The following IFI16 variants were observed in gnomAD, a reference collection of about 807,000 sequenced individuals.
IFI16 encodes interferon gamma inducible protein 16.
IFI16 carries 49 observed loss-of-function variants against 68.4 expected under a neutral mutation model. The observed-to-expected ratio is 0.72, with a 90% CI of 0.57 to 0.91. The LOEUF is 0.91. Among genes scored for constraint, IFI16 ranks in the 40% least tolerant of loss-of-function variants. The probability of loss-of-function intolerance (pLI) is 0.00; values close to 1 mark genes in which losing one functional copy is unlikely to be tolerated. For synonymous variants in IFI16, 307 were observed against 315.0 expected (o/e 0.97, Z 0.27); for missense variants, 878 against 942.9 (o/e 0.93, Z 0.90).
rs150206389 is a variant in IFI16, at chr1:159,032,687, C to T, written c.1325C>T (p.Thr442Ile). ...PPTTPSSSFFTKKSEDTISKM... is the reference protein window; with the variant it reads ...PPTTPSSSFFIKKSEDTISKM... Reference sequence around the variant, plus strand: ...ACAACTCCATCCAGCAGTTTCTTCACCAAGGTACAATTTCCTGGGTCCCAT... The same window carrying T: ...ACAACTCCATCCAGCAGTTTCTTCATCAAGGTACAATTTCCTGGGTCCCAT... Residue 442 changes from threonine (T) to isoleucine (I), a missense_variant, in exon 7 of 12, where the codon ACC (threonine) becomes ATC (isoleucine). Around this residue, in one of 4 missense-constraint regions of IFI16, gnomAD observed 59 missense variants for 119.0 expected, o/e 0.50. Transcript: ENST00000295809. 4.3e-5 allele frequency: 68 copies of T among 1,588,570 alleles called. No individual in the cohort carries two copies. The African/African-American group carries it at 7.9e-4, about 18-fold the overall frequency.
At chr1:159,032,422 A>T in intron 6 of IFI16, 102 bp from the exon 7 acceptor site, 1 of 665,154 alleles carries the variant, frequency 1.5e-6, no homozygotes, top group Non-Finnish European at 2.4e-6. Flanking sequence ...GGAAGTAATG[A>T]GACCTATTAA....
chr1:159,006,678 A>G (rs563085417), upstream of IFI16, among the ~76,000 whole-genome samples: 161 of 152,334 alleles, frequency 1.1e-3, 3 homozygotes, highest in South Asian at 0.032. Context: ...GGGTGATTAA[A>G]GAGACAAGCA....
rs142181180 is a variant in IFI16 at position 159,014,849 on chromosome 1, C to A, written c.169C>A (p.Arg57=). Residue 57 remains arginine, a synonymous_variant, in exon 2 of 12, where the codon CGA becomes AGA. Transcript: ENST00000295809. ...TGCTGACTTGATGGAAGAAAAGTTC[C>A]GAGGTGATGCTGGTTTGGGCAAACT... ...QIADLMEEKF[R]GDAGLGKLIK... 5 of 1,613,726 alleles carry A rather than the reference C, an allele frequency of 3.1e-6. No homozygotes were observed. Among genetic ancestry groups the A allele is most frequent in the Admixed American group, 3.3e-5 (2 of 59,976 alleles).
intron 7 of IFI16, among the ~76,000 whole-genome samples, chr1:159,042,996 C>T (rs961539943): frequency 1.1e-4 from 16 of 152,296 alleles, no homozygotes; most frequent in African/African-American, 2.6e-4. Context: ...TCTCCAATAT[C>T]ATTTCTCACC....
upstream of IFI16, among the ~76,000 whole-genome samples, chr1:159,003,346 T>C (rs567445164): frequency 1.5e-4 from 23 of 152,382 alleles, no homozygotes; most frequent in Non-Finnish European, 2.2e-4. Flanking sequence ...ACAATAGATG[T>C]ATTTTTATTC....
intron 6 of IFI16, 25 bp from the exon 7 acceptor site, chr1:159,032,499 T>G (rs776526500): frequency 6.8e-7 from 1 of 1,479,254 alleles, no homozygotes; most frequent in South Asian, 1.3e-5. Context: ...TTGAAAACCA[T>G]TAAACAGAAA....
upstream of IFI16, chr1:159,009,842 TCTGA>T (rs1035068963): frequency 5.3e-5 from 8 of 152,166 alleles, no homozygotes; most frequent in East Asian, 1.9e-4. Context: ...GTTCATTTTC[TCTGA>T]CTAACAGAAA....
chr1:159,006,913 G>A (rs1027954868), upstream of IFI16, among the ~76,000 whole-genome samples: 14 of 151,980 alleles, frequency 9.2e-5, no homozygotes, highest in Non-Finnish European at 8.8e-5. Context: ...GTGTTATTTC[G>A]CATTTCTGAC....
At chr1:159,002,847 C>T (rs1652109684), upstream of IFI16, among the ~76,000 whole-genome samples, 1 of 152,158 alleles carries the variant, frequency 6.6e-6, no homozygotes, top group South Asian at 2.1e-4. Flanking sequence ...ACTTCCTAGG[C>T]TCTATTCATC....
chr1:159,016,887 G>T (rs1434807916), intron 4 of IFI16, among the ~76,000 whole-genome samples, 187 bp downstream of exon 4: 2 of 152,234 alleles, frequency 1.3e-5, no homozygotes, highest in African/African-American at 4.8e-5. Context: ...ATCTCTGACT[G>T]CAGGAAGTTT....
At chr1:159,025,669 A>T (rs1653622244) in intron 6 of IFI16, among the ~76,000 whole-genome samples, 1 of 152,174 alleles carries the variant, frequency 6.6e-6, no homozygotes, top group Non-Finnish European at 1.5e-5. Flanking sequence ...GAAGCTTTTT[A>T]GCTTAATTAA....
At position 159,041,837 on chromosome 1, in the gene IFI16, C is replaced by A. The variant is rs76810154; in HGVS notation, c.1330-3460C>A. Reference sequence around the variant, plus strand: ...ATAAAAAGGGGGATTTTGAAAAAATCATATATGGAGCCCATACCTACTCGT... The same window carrying A: ...ATAAAAAGGGGGATTTTGAAAAAATAATATATGGAGCCCATACCTACTCGT... On this transcript the variant is annotated intron_variant, in intron 7 of 11. Transcript: ENST00000295809. Among the ~76,000 whole-genome samples the A allele has an allele frequency of 7.1e-3, 1,078 of 152,224 alleles. 13 individuals are homozygous for A. The highest frequency in any genetic ancestry group is 0.025 in the African/African-American group (1,024 of 41,520).
chr1:159,019,676 G>C (rs898690614), intron 5 of IFI16, among the ~76,000 whole-genome samples: 1 of 91,104 alleles, frequency 1.1e-5, no homozygotes, highest in African/African-American at 1.3e-4. Flanking sequence ...AGCCAGGATG[G>C]TCTTGGTCTC....
At chr1:159,025,666 T>C (rs1653621973) in intron 6 of IFI16, among the ~76,000 whole-genome samples, 1 of 152,252 alleles carries the variant, frequency 6.6e-6, no homozygotes, top group Non-Finnish European at 1.5e-5. Context: ...GCAGAAGCTT[T>C]TTAGCTTAAT....
chr1:159,002,840 T>C (rs2101771399), upstream of IFI16, among the ~76,000 whole-genome samples: 1 of 152,280 alleles, frequency 6.6e-6, no homozygotes, highest in South Asian at 2.1e-4. Context: ...AATCTCTACT[T>C]CCTAGGCTCT....
chr1:159,017,365 A>G (rs1338635946), intron 4 of IFI16, among the ~76,000 whole-genome samples: 1 of 152,198 alleles, frequency 6.6e-6, no homozygotes, highest in African/African-American at 2.4e-5. Flanking sequence ...TTGGGTAGGA[A>G]CACTATGAAA....
upstream of IFI16, chr1:159,009,242 A>G (rs1385988788): frequency 6.6e-6 from 1 of 152,228 alleles, no homozygotes; most frequent in African/African-American, 2.4e-5. Flanking sequence ...TAACCTAGTC[A>G]TGGTCAAGAG....
Position 159,020,323 on chromosome 1 carries a change from A to G in IFI16, c.973-18A>G. ...TTAATTACATTCTCAGGAACAGAAT[A>G]TTAATTTTCTGTTACAGAAAACAGT... On this transcript the variant is annotated intron_variant, in intron 5 of 11. Coordinates refer to ENST00000295809, the MANE Select transcript of IFI16 (RefSeq NM_001376587.1). The G allele has an allele frequency of 6.4e-7, 1 of 1,568,086 alleles. No individual in the cohort carries two copies. The highest frequency in any genetic ancestry group is 8.7e-7 in the Non-Finnish European group (1 of 1,144,312).
Position 159,045,432 on chromosome 1 carries a change from C to G in IFI16, c.1465C>G (p.Pro489Ala), listed in dbSNP as rs1654916146. The change falls in exon 8 of 12, where the codon CCA becomes GCA. Residue 489 changes from proline (P) to alanine (A), a missense_variant. Physicochemically the swap from Pro to Ala is conservative, Grantham distance 27. Around this residue, in one of 4 missense-constraint regions of IFI16, gnomAD observed 59 missense variants for 119.0 expected, o/e 0.50. Coordinates refer to ENST00000295809, the MANE Select transcript of IFI16 (RefSeq NM_001376587.1). ...ESHPHTPQMP[P>A]STPSSSFLTT... ...CCATCCCCACACTCCTCAGATGCCT[C>G]CATCAACACCAAGCAGCAGTTTCTT... 5 of 1,584,770 alleles carry G rather than the reference C, an allele frequency of 3.2e-6. No homozygotes were observed. Among genetic ancestry groups the G allele is most frequent in the Non-Finnish European group, 4.3e-6 (5 of 1,164,236 alleles).
Sources: allele counts gnomAD v4.1 joint callset (sites outside exome capture counted in the v4.1 genomes callset), GRCh38; gene constraint gnomAD v4.1.1; regional missense constraint gnomAD v4.1.1; transcripts MANE v1.5; gene names NCBI Gene and HGNC (gene_info 2026-07-23, HGNC 2026-07-21).